RNF32: variants seen among roughly 807,000 people sequenced by gnomAD.
RNF32 encodes ring finger protein 32.
RNF32 carries 36 observed loss-of-function variants against 41.0 expected under a neutral mutation model. The ratio of observed to expected loss-of-function variants is 0.88; its 90% CI spans 0.67 to 1.16. The LOEUF (loss-of-function observed/expected upper bound fraction) is 1.16. RNF32 is among the 50% of genes most tolerant of loss of function. The pLI is 0.00. For synonymous variants in RNF32, 154 were observed against 160.9 expected, an observed-to-expected ratio of 0.96 and a Z score of 0.32; for missense variants, 413 against 436.7, an observed-to-expected ratio of 0.95 and a Z score of 0.48.
At chr7:156,658,877 A>G (rs1800155050) in intron 7 of RNF32, 1 of 1,548,582 alleles carries the variant, frequency 6.5e-7, no homozygotes, top group Non-Finnish European at 8.7e-7. Context: ...AAGACTGGAA[A>G]CCAGCTTAAT....
intron 3 of RNF32, chr7:156,654,163 G>C (rs1799231150): frequency 6.6e-6 from 1 of 152,050 alleles, no homozygotes; most frequent in African/African-American, 2.4e-5. Flanking sequence ...CCGTGGGTTT[G>C]GCATCCACAG....
Position 156,658,197 on chromosome 7 carries a change from C to G in RNF32, c.520C>G (p.Gln174Glu). ...TCPLCRKNQYQTRVIHDGARL... is the reference protein window; with the variant it reads ...TCPLCRKNQYETRVIHDGARL... ...TCCTCTCTGTAGAAAGAACCAGTAT[C>G]AAACCCGAGTGATACACGATGGGGC... The change falls in exon 6 of 9, where the codon CAA (glutamine) becomes GAA (glutamate). Residue 174 changes from glutamine (Q) to glutamate (E), a missense_variant. By Grantham distance (29) the Gln-to-Glu change is conservative. Transcript: ENST00000317955. 7 of 1,614,204 alleles carry G rather than the reference C, an allele frequency of 4.3e-6. No homozygotes were observed. The highest frequency in any genetic ancestry group is 5.9e-6 in the Non-Finnish European group (7 of 1,180,034).
chr7:156,672,177 C>T (rs1388141800), intron 7 of RNF32, among the ~76,000 whole-genome samples: 1 of 152,206 alleles, frequency 6.6e-6, no homozygotes, highest in Non-Finnish European at 1.5e-5. Flanking sequence ...AAGGGCCACC[C>T]TCCCTGAGAT....
intron 3 of RNF32, among the ~76,000 whole-genome samples, chr7:156,651,950 G>T (rs1030568997): frequency 2.0e-5 from 3 of 152,052 alleles, no homozygotes; most frequent in Admixed American, 6.5e-5. Context: ...CAGCATCCCG[G>T]GACCCTGGGC....
At chr7:156,675,227 A>G (rs57315809) in intron 7 of RNF32, among the ~76,000 whole-genome samples, 9,304 of 152,280 alleles carry the variant, frequency 0.061, 648 homozygotes, top group African/African-American at 0.18. Context: ...GTGGGGAAGC[A>G]TGACAGGACA....
rs1049175176 is a variant in RNF32 at position 156,676,720 on chromosome 7, G to A, written c.*65G>A. 13 of 1,205,250 alleles carry A rather than the reference G, an allele frequency of 1.1e-5. No individual in the cohort carries two copies. The highest frequency in any genetic ancestry group is 4.5e-5 in the African/African-American group (3 of 67,022). 74.7% of individuals were successfully genotyped at this position (1,205,250 alleles called of 1,614,324 possible). A position where few individuals can be genotyped will look rare whatever the true frequency, so the allele number is the denominator to read the frequency against. On this transcript the variant is annotated 3_prime_UTR_variant, in exon 9 of 9. Coordinates refer to ENST00000317955, the MANE Select transcript of RNF32 (RefSeq NM_030936.4). ...AGTTTACCATCATTTTGGATGAACT[G>A]CATGAGTTCTGGGTTAAGTACTACA...
At chr7:156,659,206 G>A in intron 7 of RNF32, 1 of 1,136,834 alleles carries the variant, frequency 8.8e-7, no homozygotes, top group Non-Finnish European at 1.1e-6. Context: ...TCATATGAAA[G>A]CCATCACTTC....
rs576408787 is a variant in RNF32, at chr7:156,650,195, G to A, written c.275-4381G>A. Among the ~76,000 whole-genome samples, 22 of 152,300 alleles carry A rather than the reference G, an allele frequency of 1.4e-4. No individual in the cohort carries two copies. In the South Asian group the frequency reaches 2.5e-3, roughly 17 times the overall value. ...TGTTTGCCGGGACCAGCCTCCTTCC[G>A]GTGCTGCCGTCGGGAGGTGCTGCCC... is the stretch of plus-strand genomic sequence containing the variant. On this transcript the variant is annotated intron_variant, in intron 3 of 8. Coordinates refer to ENST00000317955, the MANE Select transcript of RNF32 (RefSeq NM_030936.4).
At chr7:156,667,560 A>C (rs1215656578) in intron 7 of RNF32, among the ~76,000 whole-genome samples, 1 of 152,214 alleles carries the variant, frequency 6.6e-6, no homozygotes, top group Non-Finnish European at 1.5e-5. Context: ...TAAAAACTAG[A>C]AGTCAGTTGT....
chr7:156,672,530 T>C (rs1383634635), intron 7 of RNF32, among the ~76,000 whole-genome samples: 1 of 152,158 alleles, frequency 6.6e-6, no homozygotes, highest in Non-Finnish European at 1.5e-5. Flanking sequence ...TCTAAAGTGT[T>C]TGAAGGAAAA....
intron 7 of RNF32, among the ~76,000 whole-genome samples, chr7:156,665,110 G>C (rs935352707): frequency 6.6e-6 from 1 of 152,064 alleles, no homozygotes; most frequent in Non-Finnish European, 1.5e-5. Context: ...AAGTTCTTCA[G>C]AACTAAAAAT....
chr7:156,658,679 A>C, intron 7 of RNF32, 109 bp downstream of exon 7: 1 of 822,410 alleles, frequency 1.2e-6, no homozygotes. Context: ...CTTCACTTTG[A>C]GGGCTTTTTA....
At chr7:156,642,572 TTTTA>T (rs1464376703) in intron 1 of RNF32, among the ~76,000 whole-genome samples, 38 of 152,242 alleles carry the variant, frequency 2.5e-4, no homozygotes, top group African/African-American at 9.2e-4. Flanking sequence ...CTTTACGAGT[TTTTA>T]TTTGACAATA....
intron 3 of RNF32, among the ~76,000 whole-genome samples, chr7:156,648,898 G>C (rs922533220): frequency 3.3e-5 from 5 of 151,866 alleles, no homozygotes; most frequent in Non-Finnish European, 7.4e-5. Flanking sequence ...TGCTGTTTGG[G>C]AGAGACTTTA....
At chr7:156,641,781 A>G (rs1797359545) in intron 1 of RNF32, among the ~76,000 whole-genome samples, 1 of 152,204 alleles carries the variant, frequency 6.6e-6, no homozygotes, top group Non-Finnish European at 1.5e-5. Context: ...GAACTGAGAA[A>G]ATTCTGGCAG....
intron 7 of RNF32, among the ~76,000 whole-genome samples, chr7:156,667,017 C>CT (rs1186739744): frequency 6.6e-6 from 1 of 152,202 alleles, no homozygotes; most frequent in Non-Finnish European, 1.5e-5. Flanking sequence ...CAAGATTTCT[C>CT]TGACTTTTTT....
chr7:156,675,765 G>A lies in RNF32; in HGVS notation c.754G>A (p.Asp252Asn), dbSNP rs199618037. 80 of 1,614,042 alleles carry A rather than the reference G, an allele frequency of 5.0e-5. No individual in the cohort carries two copies. Among genetic ancestry groups the A allele is most frequent in the East Asian group, 2.0e-4 (9 of 44,870 alleles). ...CATTGAAGAGCTCTTTGCAGAAATC[G>A]ATCAGTGCTTGGCCATAAATCGAAG... Reference protein sequence around the residue: ...TNIEELFAEIDQCLAINRSVL... With the variant: ...TNIEELFAEINQCLAINRSVL... The change falls in exon 8 of 9, where the codon GAT becomes AAT. Residue 252 changes from aspartate (D) to asparagine (N), a missense_variant. Transcript: ENST00000317955.
Position 156,657,575 on chromosome 7 carries a change from T to C in RNF32, c.450+2T>C, listed in dbSNP as rs779644726. On this transcript the variant is annotated splice_donor_variant, in intron 5 of 8. Coordinates refer to ENST00000317955, the MANE Select transcript of RNF32 (RefSeq NM_030936.4). LOFTEE classifies it high-confidence loss of function. Reference sequence around the variant, plus strand: ...TCATGCTCCCATGTGTTCCACAAAGTAAGTCCACCCCTCACGCCTGCCCAG... The same window carrying C: ...TCATGCTCCCATGTGTTCCACAAAGCAAGTCCACCCCTCACGCCTGCCCAG... The C allele has an allele frequency of 6.2e-7, 1 of 1,614,084 alleles. No homozygotes were observed. Among genetic ancestry groups the C allele is most frequent in the South Asian group, 1.1e-5 (1 of 91,084 alleles).
intron 3 of RNF32, among the ~76,000 whole-genome samples, chr7:156,649,556 TG>T (rs1798435808): frequency 6.6e-6 from 1 of 152,198 alleles, no homozygotes; most frequent in Admixed American, 6.5e-5. Context: ...TTGTGTTGTT[TG>T]TTGGCCTTTA....
Sources: gnomAD v4.1 joint callset for allele counts (sites outside exome capture counted in the v4.1 genomes callset) on GRCh38, gnomAD v4.1.1 for gene constraint, MANE v1.5 for transcripts, NCBI Gene and HGNC (gene_info 2026-07-23, HGNC 2026-07-21) for gene names.